MYO18B: variants seen among roughly 807,000 people sequenced by gnomAD.
The protein encoded by MYO18B is unconventional myosin-XVIIIb.
Under a neutral mutation model 273.0 loss-of-function variants are expected in MYO18B, and 204 were observed. That is an observed-to-expected ratio of 0.75 (90% CI 0.67 to 0.84). The LOEUF (loss-of-function observed/expected upper bound fraction) is 0.84. Ranked by LOEUF, MYO18B falls within the 40% of genes least tolerant of loss-of-function variation. MYO18B has a pLI of 0.00. For synonymous variants in MYO18B, 1,330 were observed against 1,305.7 expected, an observed-to-expected ratio of 1.02 and a Z score of -0.40; for missense variants, 3,212 against 3,287.6, an observed-to-expected ratio of 0.98 and a Z score of 0.56.
intron 24 of MYO18B, 86 bp from the exon 25 acceptor site, chr22:25,877,873 A>G (rs1348738931): frequency 1.9e-6 from 2 of 1,035,238 alleles, no homozygotes; most frequent in East Asian, 5.3e-5. Context: ...CCTAACGGAA[A>G]CTTTGTGCCG....
At position 25,835,280 on chromosome 22, in the gene MYO18B, C is replaced by G. The variant is rs759594930; in HGVS notation, c.3061-16C>G. On this transcript the variant is annotated splice_polypyrimidine_tract_variant and intron_variant, in intron 16 of 43. Transcript: ENST00000335473. ...GGGTATCAGGGCCCTTCAGTGAATC[C>G]TGGTTCTCCCAGCAGGTCCGCTTAC... 2 of 1,611,652 alleles carry G rather than the reference C, an allele frequency of 1.2e-6. No individual in the cohort carries two copies. The highest frequency in any genetic ancestry group is 1.7e-6 in the Non-Finnish European group (2 of 1,178,946).
At chr22:25,947,501 C>G (rs796518590) in intron 35 of MYO18B, among the ~76,000 whole-genome samples, 6,120 of 133,564 alleles carry the variant, frequency 0.046, 155 homozygotes, top group East Asian at 0.13. Context: ...CACACACACA[C>G]ACACACACAC....
intron 12 of MYO18B, among the ~76,000 whole-genome samples, chr22:25,808,523 G>A (rs1307301391): frequency 6.6e-6 from 1 of 152,156 alleles, no homozygotes. Context: ...AGGCCACCCA[G>A]CTGGCCAAGC....
chr22:25,926,637 C>G (rs531995491), intron 34 of MYO18B, among the ~76,000 whole-genome samples: 1 of 152,088 alleles, frequency 6.6e-6, no homozygotes, highest in Non-Finnish European at 1.5e-5. Flanking sequence ...GGAATGTGTT[C>G]GAATGCACAT....
intron 12 of MYO18B, among the ~76,000 whole-genome samples, chr22:25,811,262 A>G (rs1451370134): frequency 6.6e-6 from 1 of 151,796 alleles, no homozygotes; most frequent in African/African-American, 2.4e-5. Context: ...ACCTCAGGTA[A>G]TCCTCCCACT....
intron 39 of MYO18B, among the ~76,000 whole-genome samples, chr22:25,980,822 C>T (rs79795398): frequency 0.046 from 6,979 of 152,270 alleles, 233 homozygotes; most frequent in Non-Finnish European, 0.07. Flanking sequence ...AACTGCATGG[C>T]TTAAGACAAC....
At chr22:25,870,029 A>T (rs952985357) in intron 22 of MYO18B, among the ~76,000 whole-genome samples, 3 of 152,196 alleles carry the variant, frequency 2.0e-5, no homozygotes, top group Non-Finnish European at 4.4e-5. Context: ...GTCTTCTGTG[A>T]GATATCAAGT....
At chr22:25,876,358 C>CT in intron 24 of MYO18B, 26 bp downstream of exon 24, 1 of 1,586,978 alleles carries the variant, frequency 6.3e-7, no homozygotes, top group Non-Finnish European at 8.6e-7. Context: ...AGGCAGGGTG[C>CT]TGGGTGGCTA....
chr22:25,918,886 A>T (rs1032184613), intron 33 of MYO18B, among the ~76,000 whole-genome samples: 1 of 152,232 alleles, frequency 6.6e-6, no homozygotes, highest in Non-Finnish European at 1.5e-5. Flanking sequence ...ACTGTGGTGC[A>T]GTAGTTACAG....
chr22:25,993,637 T>C (rs1932928540), intron 40 of MYO18B, among the ~76,000 whole-genome samples: 1 of 152,212 alleles, frequency 6.6e-6, no homozygotes, highest in African/African-American at 2.4e-5. Context: ...GAGCTAGAAC[T>C]CAGGTCTGCT....
At chr22:25,843,674 C>T in intron 17 of MYO18B, 61 bp from the exon 18 acceptor site, 1 of 1,543,316 alleles carries the variant, frequency 6.5e-7, no homozygotes, top group South Asian at 1.2e-5. Context: ...TAAGGGATGC[C>T]AGCTGATTGC....
chr22:25,748,245 G>A (rs133859), intron 1 of MYO18B, among the ~76,000 whole-genome samples: 51,256 of 152,014 alleles, frequency 0.34, 9,287 homozygotes, highest in African/African-American at 0.46. Flanking sequence ...CTGTCCTGGG[G>A]AGGTAGCTCT....
chr22:25,903,680 A>C lies in MYO18B; in HGVS notation c.4997A>C (p.Gln1666Pro), dbSNP rs753669975. 6.2e-7 allele frequency: 1 copy of C among 1,610,110 alleles called. No homozygotes were observed. Among genetic ancestry groups the C allele is most frequent in the Non-Finnish European group, 8.5e-7 (1 of 1,178,250 alleles). The change falls in exon 31 of 44, where the codon CAG (glutamine) becomes CCG (proline). Residue 1666 changes from glutamine to proline, a missense_variant. Transcript: ENST00000335473. ...CTGAAGCAGCAGGTGGAGATGCTAC[A>C]GGACCATAAACGGGAGCTGCTGGGG... ...SQLKQQVEML[Q>P]DHKRELLGSP... is the part of the protein sequence containing the mutation.
chr22:25,784,181 A>G (rs2087280572), intron 10 of MYO18B, among the ~76,000 whole-genome samples: 1 of 152,162 alleles, frequency 6.6e-6, no homozygotes. Flanking sequence ...TCCTCACCAG[A>G]TGGACTGGGA....
chr22:25,896,772 C>T (rs1013561512), intron 28 of MYO18B: 1 of 152,090 alleles, frequency 6.6e-6, no homozygotes, highest in African/African-American at 2.4e-5. Context: ...AAACAAAAAG[C>T]CCTGATTTGT....
intron 11 of MYO18B, among the ~76,000 whole-genome samples, chr22:25,791,912 C>T (rs2087678449): frequency 1.3e-5 from 2 of 152,188 alleles, no homozygotes; most frequent in South Asian, 4.1e-4. Flanking sequence ...AGCTACTTGC[C>T]CAAAGGCACA....
intron 11 of MYO18B, among the ~76,000 whole-genome samples, chr22:25,786,054 G>A (rs2087372790): frequency 6.6e-6 from 1 of 152,086 alleles, no homozygotes; most frequent in African/African-American, 2.4e-5. Flanking sequence ...AAAAGCAAAT[G>A]GTTCACTGGT....
rs144263434 is a variant in MYO18B at position 25,746,903 on chromosome 22, C to T, written c.-110+4610C>T. ...TTGGGAGGCCAAGGCAGGCGGATCA[C>T]GAGGTCAGGAGATCGAGACCATCCT... On this transcript the variant is annotated intron_variant, in intron 1 of 43. Transcript: ENST00000335473. Among the ~76,000 whole-genome samples the T allele has an allele frequency of 1.7e-3, 256 of 151,798 alleles. 7 individuals are homozygous for T. In the East Asian group the frequency reaches 0.043, roughly 25 times the overall value.
At chr22:26,046,042 T>A in the MYO18B span, among the ~76,000 whole-genome samples, 1 of 152,266 alleles carries the variant, frequency 6.6e-6, no homozygotes, top group Non-Finnish European at 1.5e-5. Flanking sequence ...TAATTGCATA[T>A]GTGCCTGACT....
Sources: gnomAD v4.1 joint callset for allele counts (sites outside exome capture counted in the v4.1 genomes callset) on GRCh38, gnomAD v4.1.1 for gene constraint, MANE v1.5 for transcripts, NCBI Gene and HGNC (gene_info 2026-07-23, HGNC 2026-07-21) for gene names.